Variants in MACC1 observed in about 807,000 individuals in gnomAD.
MACC1 encodes the protein metastasis-associated in colon cancer protein 1.
In MACC1, 79 loss-of-function variants were observed where a neutral mutation model predicts 70.7. That is an observed-to-expected ratio of 1.12 (90% confidence interval 0.93 to 1.35). MACC1 has a LOEUF of 1.35. MACC1 is among the 40% of genes most tolerant of loss of function. The probability of loss-of-function intolerance (pLI) is 0.00; values close to 1 mark genes in which losing one functional copy is unlikely to be tolerated. For synonymous variants in MACC1, 361 were observed against 347.2 expected (o/e 1.04, Z -0.44); for missense variants, 1,106 against 978.1 (o/e 1.13, Z -1.74).
At chr7:20,187,022 C>G (rs575474642) in intron 1 of MACC1, among the ~76,000 whole-genome samples, 1 of 152,054 alleles carries the variant, frequency 6.6e-6, no homozygotes, top group Middle Eastern at 3.2e-3. Context: ...AAGGAAGTCC[C>G]TAACTTACAA....
In MACC1 at chr7:20,138,671, C is replaced by T. The variant is rs1338165844; in HGVS notation, c.*2275G>A. 4 of 151,296 alleles carry T rather than the reference C, an allele frequency of 2.6e-5. No individual in the cohort carries two copies. The highest frequency in any genetic ancestry group is 7.3e-5 in the African/African-American group (3 of 41,062). The allele number at this position is 151,296 out of a possible 1,614,324, so 9.4% of individuals were successfully genotyped here. ...ATAATCAAATATAAATACTGAAAGC[C>T]GTACAGATTATTCCTTTTTTTTTTT... is the stretch of plus-strand genomic sequence containing the variant. On this transcript the variant is annotated 3_prime_UTR_variant, in exon 7 of 7. Transcript: ENST00000400331.
At chr7:20,211,653 C>T (rs1331555587) in intron 1 of MACC1, among the ~76,000 whole-genome samples, 1 of 152,142 alleles carries the variant, frequency 6.6e-6, no homozygotes, top group Admixed American at 6.5e-5. Flanking sequence ...ACAGGAACTC[C>T]TATTTTGGCT....
At chr7:20,170,123 T>C (rs186534223) in intron 2 of MACC1, 2 of 152,268 alleles carry the variant, frequency 1.3e-5, no homozygotes, top group East Asian at 1.9e-4. Flanking sequence ...TGGAGTGCAA[T>C]AGAAAGAACG....
At chr7:20,162,849 C>G (rs1396468502) in intron 3 of MACC1, among the ~76,000 whole-genome samples, 2 of 152,118 alleles carry the variant, frequency 1.3e-5, no homozygotes, top group South Asian at 2.1e-4. Flanking sequence ...TAGAGATCGT[C>G]TTTATGTTTT....
chr7:20,161,941 G>T, intron 3 of MACC1, 71 bp from the exon 4 acceptor site: 1 of 872,918 alleles, frequency 1.1e-6, no homozygotes, highest in Non-Finnish European at 1.9e-6. Context: ...TAAACTCAAA[G>T]ACATCATACG....
chr7:20,177,291 A>C (rs1432920593), intron 1 of MACC1, among the ~76,000 whole-genome samples: 1 of 152,170 alleles, frequency 6.6e-6, no homozygotes, highest in Non-Finnish European at 1.5e-5. Flanking sequence ...CTTTGTATCT[A>C]ATTATATCAA....
intron 1 of MACC1, among the ~76,000 whole-genome samples, chr7:20,212,125 G>A (rs180681793): frequency 7.9e-5 from 12 of 152,314 alleles, no homozygotes; most frequent in Admixed American, 6.5e-4. Flanking sequence ...CTTTGAGGGT[G>A]AAAAGAGAAT....
At chr7:20,145,299 T>C (rs1030722754) in intron 6 of MACC1, among the ~76,000 whole-genome samples, 4 of 152,058 alleles carry the variant, frequency 2.6e-5, no homozygotes, top group Admixed American at 1.3e-4. Context: ...AGCAGGACTT[T>C]GGTAACTTGG....
intron 1 of MACC1, among the ~76,000 whole-genome samples, chr7:20,208,926 G>A (rs941855139): frequency 6.6e-6 from 1 of 152,204 alleles, no homozygotes; most frequent in African/African-American, 2.4e-5. Context: ...GGCTAAAAGG[G>A]ATCAAGGTAC....
chr7:20,186,974 T>C (rs923073131), intron 1 of MACC1, among the ~76,000 whole-genome samples: 3 of 152,148 alleles, frequency 2.0e-5, no homozygotes, highest in Non-Finnish European at 4.4e-5. Context: ...TCATGTTTTA[T>C]AAAATCAGAT....
chr7:20,155,121 T>G (rs977140310), intron 5 of MACC1, among the ~76,000 whole-genome samples: 3 of 152,192 alleles, frequency 2.0e-5, no homozygotes, highest in African/African-American at 4.8e-5. Context: ...CAAACAAGTC[T>G]ACAAGTTTGT....
rs76470461 is a variant in MACC1, at chr7:20,140,773, A to G, written c.*173T>C. 2.5e-3 allele frequency: 1,228 copies of G among 489,696 alleles called. 15 individuals are homozygous for G. Among genetic ancestry groups the G allele is most frequent in the African/African-American group, 0.022 (1,111 of 50,830 alleles). 30.3% of individuals were successfully genotyped at this position (489,696 alleles called of 1,614,324 possible). On this transcript the variant is annotated 3_prime_UTR_variant, in exon 7 of 7. Transcript: ENST00000400331. ...GGTTTTGAGCATGAAGAAAATTAATATAATGCTTTTCTGAGATTCTTTCTT... is the reference window on the plus strand; with the variant it reads ...GGTTTTGAGCATGAAGAAAATTAATGTAATGCTTTTCTGAGATTCTTTCTT...
At chr7:20,188,706 G>A (rs968118473) in intron 1 of MACC1, among the ~76,000 whole-genome samples, 2 of 152,018 alleles carry the variant, frequency 1.3e-5, no homozygotes, top group Non-Finnish European at 2.9e-5. Context: ...TACCAAAAGT[G>A]CTTTTATCAA....
At chr7:20,170,163 C>T (rs1474285902) in intron 2 of MACC1, 1 of 152,242 alleles carries the variant, frequency 6.6e-6, no homozygotes, top group Non-Finnish European at 1.5e-5. Flanking sequence ...GACGTAACTT[C>T]AGACCAATGC....
chr7:20,149,079 T>C (rs1781936699), intron 6 of MACC1, among the ~76,000 whole-genome samples: 1 of 152,212 alleles, frequency 6.6e-6, no homozygotes, highest in Non-Finnish European at 1.5e-5. Flanking sequence ...AGGACATTTC[T>C]TTTAACTTTT....
At chr7:20,154,070 T>C in intron 6 of MACC1, 123 bp downstream of exon 6, 1 of 935,680 alleles carries the variant, frequency 1.1e-6, no homozygotes, top group Non-Finnish European at 1.7e-6. Context: ...GTGCAGTGAT[T>C]CAGTTAGTGG....
chr7:20,178,250 T>A (rs1009220408), intron 1 of MACC1, among the ~76,000 whole-genome samples: 1 of 129,498 alleles, frequency 7.7e-6, no homozygotes, highest in Non-Finnish European at 1.6e-5. Context: ...GCCCAGAATG[T>A]TAATCTTATT....
chr7:20,158,852 A>G lies in MACC1; in HGVS notation c.1509T>C (p.Thr503=). ...NGEPVAQFSI[T]TPDPTPNLKR... ...TTAGGTTTGGGGTTGGATCAGGAGT[A>G]GTGATAGAGAACTGTGCAACTGGTT... The change falls in exon 5 of 7, where the codon ACT becomes ACC. Residue 503 remains threonine, a synonymous_variant. Transcript: ENST00000400331. 1 of 1,614,152 alleles carries G rather than the reference A, an allele frequency of 6.2e-7. No homozygotes were observed. The highest frequency in any genetic ancestry group is 1.1e-5 in the South Asian group (1 of 91,086).
chr7:20,207,143 C>A (rs186993106), intron 1 of MACC1, among the ~76,000 whole-genome samples: 4 of 151,374 alleles, frequency 2.6e-5, no homozygotes, highest in Admixed American at 6.6e-5. Context: ...TTAACTTTTT[C>A]TTTTCTTTTT....
Sources: gnomAD v4.1 joint callset for allele counts (sites outside exome capture counted in the v4.1 genomes callset) on GRCh38, gnomAD v4.1.1 for gene constraint, MANE v1.5 for transcripts, NCBI Gene and HGNC (gene_info 2026-07-23, HGNC 2026-07-21) for gene names.